CHRNA6: variants seen among roughly 807,000 people sequenced by gnomAD.
The protein encoded by CHRNA6 is cholinergic receptor nicotinic alpha 6 subunit.
Under a neutral mutation model 40.9 loss-of-function variants are expected in CHRNA6, and 31 were observed. That is an observed-to-expected ratio of 0.76 (90% CI 0.57 to 1.02). CHRNA6 has a LOEUF of 1.02. CHRNA6 is among the 50% of genes least tolerant of loss of function. The pLI, the probability that CHRNA6 is intolerant of heterozygous loss-of-function variation, is 0.00. For synonymous variants in CHRNA6, 222 were observed against 221.3 expected (o/e 1.00, Z -0.03); for missense variants, 546 against 596.6 (o/e 0.92, Z 0.88).
At chr8:42,753,500 C>A (rs1009592664) in intron 5 of CHRNA6, among the ~76,000 whole-genome samples, 190 bp from the exon 6 acceptor site, 19 of 151,958 alleles carry the variant, frequency 1.3e-4, no homozygotes, top group African/African-American at 4.6e-4. Context: ...ATGGTGAAAC[C>A]CTGTCTCTAC....
intron 3 of CHRNA6, among the ~76,000 whole-genome samples, chr8:42,758,779 G>A (rs1816850421): frequency 6.6e-6 from 1 of 152,168 alleles, no homozygotes; most frequent in Admixed American, 6.5e-5. Context: ...AGGGATCAAA[G>A]AGCAGGCAAG....
rs55776131 is a variant in CHRNA6, at chr8:42,752,694, G to A, written c.*485C>T. ...TGAGGAGGGTGAGTTACATTACAGA[G>A]ACATGCACAAGAAATCAAGGATGCA... is the stretch of plus-strand genomic sequence containing the variant. On this transcript the variant is annotated 3_prime_UTR_variant, in exon 6 of 6. Coordinates refer to ENST00000276410, the MANE Select transcript of CHRNA6 (RefSeq NM_004198.3). 366 of 150,170 alleles carry A rather than the reference G, an allele frequency of 2.4e-3. 3 individuals are homozygous for A. The highest frequency in any genetic ancestry group is 0.021 in the Middle Eastern group (6 of 288). 9.3% of individuals were successfully genotyped at this position (150,170 alleles called of 1,614,324 possible).
chr8:42,760,210 T>C (rs1009835732), intron 2 of CHRNA6, among the ~76,000 whole-genome samples: 7 of 151,884 alleles, frequency 4.6e-5, no homozygotes, highest in East Asian at 3.9e-4. Flanking sequence ...CACACACACA[T>C]ATGCACACAC....
chr8:42,759,860 A>G (rs191791922), intron 2 of CHRNA6, among the ~76,000 whole-genome samples: 395 of 148,892 alleles, frequency 2.7e-3, no homozygotes, highest in African/African-American at 9.6e-3. Flanking sequence ...AGATCGTGCC[A>G]CTGTACTCCA....
chr8:42,768,570 A>C lies in CHRNA6; in HGVS notation c.-140T>G. ...TGTGTGTCTTCTCAGAAATCAAAAC[A>C]TCCCCGGGACTTCACACGGTTATTA... is the stretch of plus-strand genomic sequence containing the variant. On this transcript the variant is annotated 5_prime_UTR_variant, in exon 1 of 6. It removes an upstream start codon present in the reference 5' UTR. Transcript: ENST00000276410. 1.6e-6 allele frequency: 1 copy of C among 615,360 alleles called. No homozygotes were observed. The highest frequency in any genetic ancestry group is 3.0e-6 in the Non-Finnish European group (1 of 338,326). The allele number at this position is 615,360 out of a possible 1,614,324, so 38.1% of individuals were successfully genotyped here. A position where few individuals can be genotyped will look rare whatever the true frequency, so the allele number is the denominator to read the frequency against.
chr8:42,755,077 G>C (rs571769200), intron 5 of CHRNA6, among the ~76,000 whole-genome samples: 1 of 140,704 alleles, frequency 7.1e-6, no homozygotes, highest in Non-Finnish European at 1.5e-5. Flanking sequence ...GCCCTGATCT[G>C]TCGTCTATCT....
chr8:42,764,446 G>A (rs1816945206), intron 2 of CHRNA6, among the ~76,000 whole-genome samples: 1 of 151,752 alleles, frequency 6.6e-6, no homozygotes, highest in Non-Finnish European at 1.5e-5. Flanking sequence ...TCCCACCTCA[G>A]CCTCCCTAGT....
chr8:42,753,088 G>T lies in CHRNA6; in HGVS notation c.*91C>A. 2 of 1,243,226 alleles carry T rather than the reference G, an allele frequency of 1.6e-6. No individual in the cohort carries two copies. Among genetic ancestry groups the T allele is most frequent in the Non-Finnish European group, 2.2e-6 (2 of 892,344 alleles). 77.0% of individuals were successfully genotyped at this position (1,243,226 alleles called of 1,614,324 possible). On this transcript the variant is annotated 3_prime_UTR_variant, in exon 6 of 6. Transcript: ENST00000276410. ...TCAGTTTTAGCAGATGGGGGACTTG[G>T]GTGGGAAGCCTTTGCTTTCCTTTCC...
chr8:42,755,532 C>T (rs935109193), intron 5 of CHRNA6, among the ~76,000 whole-genome samples: 5 of 152,246 alleles, frequency 3.3e-5, no homozygotes, highest in Non-Finnish European at 5.9e-5. Context: ...CTGCCTTGGC[C>T]TCCCAAAGTG....
intron 2 of CHRNA6, among the ~76,000 whole-genome samples, chr8:42,762,967 A>C (rs1409520900): frequency 1.3e-5 from 2 of 152,240 alleles, no homozygotes; most frequent in Non-Finnish European, 2.9e-5. Context: ...CAATTTTAAA[A>C]ACCTGCAGTT....
chr8:42,764,440 A>G (rs546463689), intron 2 of CHRNA6, among the ~76,000 whole-genome samples: 1 of 151,148 alleles, frequency 6.6e-6, no homozygotes, highest in South Asian at 2.1e-4. Flanking sequence ...CAATCCTCCC[A>G]CCTCAGCCTC....
intron 1 of CHRNA6, among the ~76,000 whole-genome samples, chr8:42,767,791 G>A (rs935360728): frequency 6.6e-6 from 1 of 152,084 alleles, no homozygotes; most frequent in Non-Finnish European, 1.5e-5. Flanking sequence ...CCCTCCATCA[G>A]CCTTGAAAAG....
At chr8:42,766,521 A>AGAAAGAAAGAGAG (rs1563627476) in intron 1 of CHRNA6, among the ~76,000 whole-genome samples, 3 of 151,824 alleles carry the variant, frequency 2.0e-5, no homozygotes, top group African/African-American at 7.3e-5. Context: ...AAAGAAAGAA[A>AGAAAGAAAGAGAG]ATGTGGTATA....
chr8:42,768,143 C>T lies in CHRNA6; in HGVS notation c.79+209G>A, dbSNP rs1469688648. Among the ~76,000 whole-genome samples, 5 of 152,308 alleles carry T rather than the reference C, an allele frequency of 3.3e-5. No individual in the cohort carries two copies. The East Asian group carries it at 9.6e-4, about 29-fold the overall frequency. ...GGTTTGCACTATGTTTCCTGGTCCT[C>T]TCCTCCCCACCCTACCCCTCAGATT... On this transcript the variant is annotated intron_variant, in intron 1 of 5. Transcript: ENST00000276410.
chr8:42,760,540 C>A (rs1007891864), intron 2 of CHRNA6, among the ~76,000 whole-genome samples: 1 of 150,804 alleles, frequency 6.6e-6, no homozygotes, highest in Non-Finnish European at 1.5e-5. Flanking sequence ...ACACTCATAC[C>A]CACTCACACT....
intron 1 of CHRNA6, among the ~76,000 whole-genome samples, chr8:42,767,053 C>T (rs1355281298): frequency 3.3e-5 from 5 of 152,158 alleles, no homozygotes; most frequent in South Asian, 2.1e-4. Flanking sequence ...CTGCAAGCTC[C>T]GCCTCCCAGG....
intron 3 of CHRNA6, among the ~76,000 whole-genome samples, chr8:42,758,311 A>G (rs971540139): frequency 6.6e-6 from 1 of 152,026 alleles, no homozygotes; most frequent in African/African-American, 2.4e-5. Flanking sequence ...TAAGCTTTGA[A>G]TTAAAAAAAA....
intron 5 of CHRNA6, among the ~76,000 whole-genome samples, chr8:42,755,269 ATGTT>A (rs111982947): frequency 3.4e-5 from 5 of 148,256 alleles, no homozygotes; most frequent in Non-Finnish European, 5.9e-5. Context: ...GTTGCCCTGA[ATGTT>A]TGTTTGTTTG....
chr8:42,765,689 G>C (rs1252161118), intron 1 of CHRNA6, among the ~76,000 whole-genome samples: 2 of 152,140 alleles, frequency 1.3e-5, no homozygotes, highest in Non-Finnish European at 2.9e-5. Context: ...CTTCACTAAG[G>C]AAACTGAAAT....
Sources: allele counts gnomAD v4.1 joint callset (sites outside exome capture counted in the v4.1 genomes callset), GRCh38; gene constraint gnomAD v4.1.1; transcripts MANE v1.5; gene names NCBI Gene and HGNC (gene_info 2026-07-23, HGNC 2026-07-21).